Variants in SYT11 observed in about 807,000 individuals in gnomAD.
SYT11 encodes synaptotagmin-11.
SYT11 carries 12 observed loss-of-function variants against 30.4 expected under a neutral mutation model. That is an observed-to-expected ratio of 0.39 (90% CI 0.25 to 0.64). SYT11 has a LOEUF of 0.64. Among genes scored for constraint, SYT11 ranks in the 30% least tolerant of loss-of-function variants. SYT11 has a pLI of 0.45. For synonymous variants in SYT11, 204 were observed against 216.0 expected (o/e 0.94, Z 0.49); for missense variants, 412 against 552.0 (o/e 0.75, Z 2.54).
intron 1 of SYT11, among the ~76,000 whole-genome samples, chr1:155,862,886 T>G (rs1278324582): frequency 6.6e-6 from 1 of 152,240 alleles, no homozygotes; most frequent in Non-Finnish European, 1.5e-5. Context: ...GTGCCCATTC[T>G]TAATGGCAAC....
rs748347342 is a variant in SYT11 at position 155,867,957 on chromosome 1, G to A, written c.35-8G>A. 1.8e-5 allele frequency: 28 copies of A among 1,599,762 alleles called. No homozygotes were observed. Among genetic ancestry groups the A allele is most frequent in the Admixed American group, 3.4e-5 (2 of 58,160 alleles). The stretch of plus-strand genomic sequence containing the variant: ...CCGCCCTGACACATCTCTGATCTCC[G>A]CCTTCAGATGTGTCACCGGTGGTGG... On this transcript the variant is annotated splice_region_variant and splice_polypyrimidine_tract_variant and intron_variant, in intron 1 of 3. Coordinates refer to ENST00000368324, the MANE Select transcript of SYT11 (RefSeq NM_152280.5).
At chr1:155,880,746 C>T (rs1672946951) in intron 3 of SYT11, 123 bp downstream of exon 3, 3 of 1,172,998 alleles carry the variant, frequency 2.6e-6, no homozygotes, top group African/African-American at 1.5e-5. Flanking sequence ...GCTCCTCTTT[C>T]TGTAGACATT....
chr1:155,862,702 T>C (rs1672613020), intron 1 of SYT11, among the ~76,000 whole-genome samples: 1 of 152,194 alleles, frequency 6.6e-6, no homozygotes, highest in South Asian at 2.1e-4. Flanking sequence ...TGCCCAGGTG[T>C]CTCCTAATCT....
At position 155,868,921 on chromosome 1, in the gene SYT11, C is replaced by T; in HGVS notation, c.861+130C>T. The T allele has an allele frequency of 1.1e-6, 1 of 880,286 alleles. No homozygotes were observed. Among genetic ancestry groups the T allele is most frequent in the Non-Finnish European group, 1.7e-6 (1 of 586,088 alleles). 54.5% of individuals were successfully genotyped at this position (880,286 alleles called of 1,614,324 possible). On this transcript the variant is annotated intron_variant, in intron 2 of 3. Coordinates refer to ENST00000368324, the MANE Select transcript of SYT11 (RefSeq NM_152280.5). This position sits in a 1 kb window ranked among gnomAD's most constrained non-coding sequence, Gnocchi z 4.7. ...CTGTAGAGAGGAAGCTCTTGGATGTCAAGGATAAGCAGTGGTCAGAGTAAG... is the reference window on the plus strand; with the variant it reads ...CTGTAGAGAGGAAGCTCTTGGATGTTAAGGATAAGCAGTGGTCAGAGTAAG...
chr1:155,881,517 T>A lies in SYT11; in HGVS notation c.*9T>A, dbSNP rs765317147. ...GTCTGAGCGAGTACTAATCCTGTTC[T>A]TCTCTCCTCTAATCCCCGGGGGCCA... is the stretch of plus-strand genomic sequence containing the variant. On this transcript the variant is annotated 3_prime_UTR_variant, in exon 4 of 4. Transcript: ENST00000368324. 14 of 1,581,352 alleles carry A rather than the reference T, an allele frequency of 8.9e-6. No homozygotes were observed. The Middle Eastern group carries it at 6.8e-4, about 77-fold the overall frequency.
intron 2 of SYT11, among the ~76,000 whole-genome samples, chr1:155,870,176 T>C (rs1432225984): frequency 3.9e-5 from 6 of 152,212 alleles, no homozygotes; most frequent in Admixed American, 2.6e-4. Context: ...TCATGTCTTT[T>C]TCAGGGTATA....
intron 2 of SYT11, among the ~76,000 whole-genome samples, chr1:155,872,847 C>T (rs1026365056): frequency 1.3e-5 from 2 of 151,998 alleles, no homozygotes; most frequent in African/African-American, 2.4e-5. Context: ...CACAAAGCGG[C>T]GCTGAGTGGG....
At chr1:155,867,608 T>C (rs1263302920) in intron 1 of SYT11, among the ~76,000 whole-genome samples, 1 of 152,132 alleles carries the variant, frequency 6.6e-6, no homozygotes, top group Admixed American at 6.6e-5. Flanking sequence ...CAGGTGCTCA[T>C]GTAAAAAGGT....
rs139689384 is a variant in SYT11 at position 155,868,234 on chromosome 1, G to A, written c.304G>A (p.Gly102Ser). ...RNLLVDAAEAGLLSRDKDPRG... is the reference protein window; with the variant it reads ...RNLLVDAAEASLLSRDKDPRG... ...CCTGTTGGTGGACGCAGCAGAGGCT[G>A]GCCTGCTAAGCCGAGACAAAGATCC... Residue 102 changes from glycine (G) to serine (S), a missense_variant, in exon 2 of 4, where the codon GGC becomes AGC. Gly to Ser is a moderately conservative substitution (Grantham distance 56). Coordinates refer to ENST00000368324, the MANE Select transcript of SYT11 (RefSeq NM_152280.5). This position sits in a 1 kb window ranked among gnomAD's most constrained non-coding sequence, Gnocchi z 4.7. The A allele has an allele frequency of 2.2e-5, 36 of 1,614,096 alleles. No individual in the cohort carries two copies. The African/African-American group carries it at 4.3e-4, about 19-fold the overall frequency.
intron 2 of SYT11, among the ~76,000 whole-genome samples, chr1:155,875,006 G>A (rs1328808773): frequency 7.3e-5 from 11 of 150,382 alleles, no homozygotes; most frequent in African/African-American, 2.4e-4. Context: ...TGTAATCCCC[G>A]CACTTTGGGA....
intron 2 of SYT11, among the ~76,000 whole-genome samples, chr1:155,869,263 CTTTTTTTTTT>C (rs767071892): frequency 2.4e-5 from 2 of 83,882 alleles, no homozygotes; most frequent in East Asian, 4.0e-4. Context: ...ATGTACATGT[CTTTTTTTTTT>C]TTTTTTTTTT....
Position 155,882,681 on chromosome 1 carries a change from A to T in SYT11, c.*1173A>T, listed in dbSNP as rs569651421. On this transcript the variant is annotated 3_prime_UTR_variant, in exon 4 of 4. Coordinates refer to ENST00000368324, the MANE Select transcript of SYT11 (RefSeq NM_152280.5). ...ATGAACACATCCAGCTGATCCCAAA[A>T]GCTGTTTTCAGGTATAAGGACAAGG... 1 of 152,474 alleles carries T rather than the reference A, an allele frequency of 6.6e-6. No homozygotes were observed. Among genetic ancestry groups the T allele is most frequent in the East Asian group, 1.9e-4 (1 of 5,332 alleles). The allele number at this position is 152,474 out of a possible 1,614,324, so 9.4% of individuals were successfully genotyped here.
rs1260122606 is a variant in SYT11 at position 155,882,331 on chromosome 1, C to T, written c.*823C>T. ...ATAAAACCTCATGTTTTCATCATTC[C>T]CATCTTTTCTTTTTATTGCCTCTTA... On this transcript the variant is annotated 3_prime_UTR_variant, in exon 4 of 4. Transcript: ENST00000368324. 6.6e-6 allele frequency: 1 copy of T among 152,282 alleles called. No individual in the cohort carries two copies. Among genetic ancestry groups the T allele is most frequent in the Non-Finnish European group, 1.5e-5 (1 of 68,036 alleles). 9.4% of individuals were successfully genotyped at this position (152,282 alleles called of 1,614,324 possible).
Position 155,881,432 on chromosome 1 carries a change from G to A in SYT11, c.1220G>A (p.Gly407Asp). 1 of 1,614,068 alleles carries A rather than the reference G, an allele frequency of 6.2e-7. No homozygotes were observed. Among genetic ancestry groups the A allele is most frequent in the Non-Finnish European group, 8.5e-7 (1 of 1,180,020 alleles). Reference sequence around the variant, plus strand: ...GGGGCACACAGTGTCACAGCCAGTGGTGCTGAACACTGGAGAGAGGTCTGC... The same window carrying A: ...GGGGCACACAGTGTCACAGCCAGTGATGCTGAACACTGGAGAGAGGTCTGC... ...ILGAHSVTAS[G>D]AEHWREVCES... The change falls in exon 4 of 4, where the codon GGT (glycine) becomes GAT (aspartate). Residue 407 changes from glycine (G) to aspartate (D), a missense_variant. Gly to Asp is a moderately conservative substitution (Grantham distance 94, BLOSUM62 -1). Coordinates refer to ENST00000368324, the MANE Select transcript of SYT11 (RefSeq NM_152280.5).
At chr1:155,877,644 C>T (rs986326714) in intron 2 of SYT11, among the ~76,000 whole-genome samples, 2 of 151,692 alleles carry the variant, frequency 1.3e-5, no homozygotes, top group Non-Finnish European at 2.9e-5. Context: ...AGCTCCGCCT[C>T]CCGGGTTCAC....
intron 1 of SYT11, 80 bp downstream of exon 1, chr1:155,859,875 A>C: frequency 7.3e-7 from 1 of 1,373,384 alleles, no homozygotes; most frequent in Non-Finnish European, 1.0e-6. Flanking sequence ...AGGGCAGAGA[A>C]TGCAGCCCAG....
Position 155,881,726 on chromosome 1 carries a change from T to G in SYT11, c.*218T>G. 1 of 409,026 alleles carries G rather than the reference T, an allele frequency of 2.4e-6. No individual in the cohort carries two copies. The highest frequency in any genetic ancestry group is 4.1e-5 in the Admixed American group (1 of 24,104). 25.3% of individuals were successfully genotyped at this position (409,026 alleles called of 1,614,324 possible). ...TGCTTTGCAAGGCGCTAGAATCTTT[T>G]ATTTTACTTTATTTTTTTTGAGGTG... On this transcript the variant is annotated 3_prime_UTR_variant, in exon 4 of 4. Transcript: ENST00000368324.
At chr1:155,871,694 C>A (rs1436496724) in intron 2 of SYT11, among the ~76,000 whole-genome samples, 2 of 152,216 alleles carry the variant, frequency 1.3e-5, no homozygotes, top group East Asian at 1.9e-4. Context: ...GGATCCTGAG[C>A]AACACATGCC....
Position 155,868,916 on chromosome 1 carries a change from G to A in SYT11, c.861+125G>A. On this transcript the variant is annotated intron_variant, in intron 2 of 3. Transcript: ENST00000368324. The surrounding 1 kb of genome is among the most constrained non-coding windows in gnomAD (Gnocchi z 4.7). The stretch of plus-strand genomic sequence containing the variant: ...AAGGGCTGTAGAGAGGAAGCTCTTG[G>A]ATGTCAAGGATAAGCAGTGGTCAGA... 1.1e-6 allele frequency: 1 copy of A among 910,196 alleles called. No individual in the cohort carries two copies. The highest frequency in any genetic ancestry group is 1.7e-5 in the African/African-American group (1 of 59,934). 56.4% of individuals were successfully genotyped at this position (910,196 alleles called of 1,614,324 possible). A position where few individuals can be genotyped will look rare whatever the true frequency, so the allele number is the denominator to read the frequency against.
Sources: gnomAD v4.1 joint callset for allele counts (sites outside exome capture counted in the v4.1 genomes callset) on GRCh38, gnomAD v4.1.1 for gene constraint, Gnocchi (gnomAD v3.1) non-coding constraint, MANE v1.5 for transcripts, NCBI Gene and HGNC (gene_info 2026-07-23, HGNC 2026-07-21) for gene names.